The following WWC2 variants were observed in gnomAD, a reference collection of about 807,000 sequenced individuals.
WWC2 encodes the protein WW and C2 domain containing 2.
A neutral mutation model predicts 138.5 loss-of-function variants in WWC2; 101 were observed. The ratio of observed to expected loss-of-function variants is 0.73; its 90% CI spans 0.62 to 0.86. The LOEUF (loss-of-function observed/expected upper bound fraction) is 0.86, where lower values mean the gene tolerates loss of function less well. Ranked by LOEUF, WWC2 falls within the 40% of genes least tolerant of loss-of-function variation. The pLI is 0.00. For missense variants in WWC2, 1,420 were observed against 1,419.4 expected, an observed-to-expected ratio of 1.00 and a Z score of -0.01; for synonymous variants, 558 against 538.4, an observed-to-expected ratio of 1.04 and a Z score of -0.50.
At chr4:183,181,871 T>C (rs1036365024) in intron 1 of WWC2, among the ~76,000 whole-genome samples, 39 of 152,334 alleles carry the variant, frequency 2.6e-4, no homozygotes, top group African/African-American at 9.1e-4. Context: ...GCAAGGACTT[T>C]AATAACAGTT....
intron 9 of WWC2, among the ~76,000 whole-genome samples, chr4:183,257,486 G>A (rs1008002661): frequency 6.6e-6 from 1 of 152,152 alleles, no homozygotes; most frequent in South Asian, 2.1e-4. Context: ...GATGGGCCAG[G>A]GGGAGGAATC....
At chr4:183,269,869 T>G (rs929064133) in intron 15 of WWC2, 3 of 168,790 alleles carry the variant, frequency 1.8e-5, no homozygotes, top group Non-Finnish European at 3.9e-5. Flanking sequence ...AATACACTGT[T>G]GTGCGTAATA....
chr4:183,240,380 T>C, intron 5 of WWC2, 118 bp downstream of exon 5: 7 of 635,020 alleles, frequency 1.1e-5, no homozygotes, highest in South Asian at 1.0e-4. Flanking sequence ...AGTAAAAAAG[T>C]TCAGAGCTCT....
chr4:183,280,680 T>C (rs1738040069), intron 16 of WWC2, 96 bp from the exon 17 acceptor site: 1 of 1,329,010 alleles, frequency 7.5e-7, no homozygotes, highest in East Asian at 2.6e-5. Flanking sequence ...AGTTGAGTCG[T>C]CTTTACAGAT....
chr4:183,200,797 A>T (rs1735275766), intron 2 of WWC2, among the ~76,000 whole-genome samples: 1 of 152,176 alleles, frequency 6.6e-6, no homozygotes, highest in African/African-American at 2.4e-5. Context: ...AGGGAGAGAG[A>T]GAGTGAGCAG....
chr4:183,238,729 A>G (rs1736512098), intron 4 of WWC2, among the ~76,000 whole-genome samples: 1 of 152,162 alleles, frequency 6.6e-6, no homozygotes, highest in Admixed American at 6.5e-5. Flanking sequence ...GCTCCACCCA[A>G]GCCCTCAGAC....
intron 1 of WWC2, among the ~76,000 whole-genome samples, chr4:183,150,528 A>G (rs1733607227): frequency 6.6e-6 from 1 of 152,168 alleles, no homozygotes; most frequent in African/African-American, 2.4e-5. Flanking sequence ...TTTTTAAAAA[A>G]AGATTTTAAA....
intron 1 of WWC2, among the ~76,000 whole-genome samples, chr4:183,112,517 A>G (rs1276808677): frequency 6.6e-6 from 1 of 152,178 alleles, no homozygotes; most frequent in Non-Finnish European, 1.5e-5. Flanking sequence ...TACTGACTTC[A>G]CCACCTAGTC....
intron 21 of WWC2, among the ~76,000 whole-genome samples, chr4:183,298,262 C>G (rs1281631944): frequency 1.3e-5 from 2 of 152,218 alleles, no homozygotes; most frequent in African/African-American, 4.8e-5. Context: ...TAGATCACTA[C>G]TGTGAACATC....
chr4:183,216,712 A>G (rs1312368961), intron 4 of WWC2, among the ~76,000 whole-genome samples: 1 of 152,196 alleles, frequency 6.6e-6, no homozygotes, highest in East Asian at 1.9e-4. Flanking sequence ...GCATGAGTTG[A>G]TGAGACAGAA....
At chr4:183,118,116 T>C (rs1251057846) in intron 1 of WWC2, among the ~76,000 whole-genome samples, 1 of 152,192 alleles carries the variant, frequency 6.6e-6, no homozygotes, top group Non-Finnish European at 1.5e-5. Flanking sequence ...ATATTTTTTT[T>C]ACCTCTACTC....
At chr4:183,101,279 G>T (rs981929371) in intron 1 of WWC2, among the ~76,000 whole-genome samples, 1 of 152,208 alleles carries the variant, frequency 6.6e-6, no homozygotes, top group Non-Finnish European at 1.5e-5. Context: ...TCTGGGTAAA[G>T]TAAATAGAAA....
rs766080395 is a variant in WWC2 at position 183,245,474 on chromosome 4, A to G, written c.661A>G (p.Ile221Val). The change falls in exon 6 of 23, where the codon ATT becomes GTT. Residue 221 changes from isoleucine (I) to valine (V), a missense_variant. Physicochemically the swap from Ile to Val is conservative, Grantham distance 29. Transcript: ENST00000403733. ...SGYELSEAKA[I>V]LTELKSIRKA... is the part of the protein sequence containing the mutation. The stretch of plus-strand genomic sequence containing the variant: ...GTATGAACTCAGTGAAGCCAAAGCC[A>G]TTCTAACAGAACTAAAATCTATCAG... 194 of 1,608,684 alleles carry G rather than the reference A, an allele frequency of 1.2e-4. No individual in the cohort carries two copies. Among genetic ancestry groups the G allele is most frequent in the Non-Finnish European group, 1.5e-4 (177 of 1,178,006 alleles).
intron 2 of WWC2, among the ~76,000 whole-genome samples, chr4:183,196,363 A>G (rs1314789794): frequency 6.6e-6 from 1 of 151,982 alleles, no homozygotes; most frequent in East Asian, 1.9e-4. Flanking sequence ...TACTCTTTGG[A>G]TTTTGTGACA....
intron 1 of WWC2, among the ~76,000 whole-genome samples, chr4:183,189,974 G>A (rs1734946520): frequency 6.6e-6 from 1 of 152,180 alleles, no homozygotes; most frequent in Non-Finnish European, 1.5e-5. Context: ...ATGATATAAT[G>A]CCAGCAAGGA....
intron 1 of WWC2, among the ~76,000 whole-genome samples, chr4:183,121,967 A>G (rs1732613592): frequency 6.6e-6 from 1 of 151,340 alleles, no homozygotes; most frequent in Admixed American, 6.6e-5. Context: ...TTGTATTTTT[A>G]GTAGAGACGG....
At chr4:183,166,217 T>C (rs1281300606) in intron 1 of WWC2, among the ~76,000 whole-genome samples, 2 of 152,342 alleles carry the variant, frequency 1.3e-5, no homozygotes, top group East Asian at 3.9e-4. Flanking sequence ...CTTTTTTTTT[T>C]CTTCCTTGAT....
intron 4 of WWC2, among the ~76,000 whole-genome samples, chr4:183,210,214 C>T (rs1735558361): frequency 6.6e-6 from 1 of 151,956 alleles, no homozygotes; most frequent in African/African-American, 2.4e-5. Flanking sequence ...TATGTTGACC[C>T]TTAAAAGGAG....
intron 1 of WWC2, among the ~76,000 whole-genome samples, chr4:183,173,176 C>G (rs1333256182): frequency 6.6e-6 from 1 of 152,092 alleles, no homozygotes. Context: ...TCCTGAGTAG[C>G]TGGGACCACA....
Sources: gnomAD v4.1 joint callset for allele counts (sites outside exome capture counted in the v4.1 genomes callset) on GRCh38, gnomAD v4.1.1 for gene constraint, MANE v1.5 for transcripts, NCBI Gene and HGNC (gene_info 2026-07-23, HGNC 2026-07-21) for gene names.